SHROOM3: variants seen among roughly 807,000 people sequenced by gnomAD.
The protein encoded by SHROOM3 is protein Shroom3.
SHROOM3 carries 47 observed loss-of-function variants against 138.6 expected under a neutral mutation model. The ratio of observed to expected loss-of-function variants is 0.34; its 90% confidence interval spans 0.27 to 0.43. The LOEUF is 0.43. Among genes scored for constraint, SHROOM3 ranks in the 20% least tolerant of loss-of-function variants. SHROOM3 has a pLI of 1.00. For synonymous variants in SHROOM3, 1,062 were observed against 1,063.3 expected (o/e 1.00, Z 0.02); for missense variants, 2,491 against 2,596.5 (o/e 0.96, Z 0.88).
chr4:76,779,801 G>A lies in SHROOM3; in HGVS notation c.*624G>A, dbSNP rs997630579. 6.5e-6 allele frequency: 1 copy of A among 152,884 alleles called. No individual in the cohort carries two copies. Among genetic ancestry groups the A allele is most frequent in the Admixed American group, 6.5e-5 (1 of 15,306 alleles). The allele number at this position is 152,884 out of a possible 1,614,324, so 9.5% of individuals were successfully genotyped here. ...TGAATTCCAAAGATAGTCACGTTGAGCGTGAAGACTTTTTTTCTTACATTC... is the reference window on the plus strand; with the variant it reads ...TGAATTCCAAAGATAGTCACGTTGAACGTGAAGACTTTTTTTCTTACATTC... On this transcript the variant is annotated 3_prime_UTR_variant, in exon 11 of 11. Transcript: ENST00000296043.
At chr4:76,674,554 CTTTTTTTTTT>C (rs11312421) in intron 2 of SHROOM3, among the ~76,000 whole-genome samples, 7 of 103,290 alleles carry the variant, frequency 6.8e-5, no homozygotes, top group Non-Finnish European at 1.1e-4. Context: ...TCCTTCCTTC[CTTTTTTTTTT>C]TTTTTTTTTT....
At chr4:76,474,518 A>G (rs1258133766) in intron 1 of SHROOM3, among the ~76,000 whole-genome samples, 2 of 152,218 alleles carry the variant, frequency 1.3e-5, no homozygotes, top group Admixed American at 6.5e-5. Context: ...TGACTAAATT[A>G]TAGATTGTAC....
intron 1 of SHROOM3, among the ~76,000 whole-genome samples, chr4:76,527,803 C>T (rs539762959): frequency 6.6e-6 from 1 of 152,290 alleles, no homozygotes; most frequent in African/African-American, 2.4e-5. Context: ...CTCGTGGAGA[C>T]TTGTTCTTAA....
intron 1 of SHROOM3, among the ~76,000 whole-genome samples, chr4:76,523,853 A>G (rs560376012): frequency 6.6e-6 from 1 of 152,198 alleles, no homozygotes; most frequent in Non-Finnish European, 1.5e-5. Flanking sequence ...GAATAGTTGG[A>G]ACAAGGGGCG....
In SHROOM3 at chr4:76,756,415, C is replaced by G. The variant is rs202056212; in HGVS notation, c.4710-34C>G. On this transcript the variant is annotated intron_variant, in intron 7 of 10. Coordinates refer to ENST00000296043, the MANE Select transcript of SHROOM3 (RefSeq NM_020859.4). ...CTTATCACTCTCTCTTTCTCTCTCT[C>G]TCTTTTTTTTTTTTTTTTAAATATC... 5,338 of 1,481,082 alleles carry G rather than the reference C, an allele frequency of 3.6e-3. 154 individuals are homozygous for G. In the African/African-American group the frequency reaches 0.066, roughly 18 times the overall value. 91.7% of individuals were successfully genotyped at this position (1,481,082 alleles called of 1,614,324 possible). A position where few individuals can be genotyped will look rare whatever the true frequency, so the allele number is the denominator to read the frequency against.
At chr4:76,537,818 T>C (rs1733012548) in intron 1 of SHROOM3, among the ~76,000 whole-genome samples, 1 of 152,234 alleles carries the variant, frequency 6.6e-6, no homozygotes, top group African/African-American at 2.4e-5. Flanking sequence ...AGTGTTTTTT[T>C]AGGGCATGAT....
intron 2 of SHROOM3, among the ~76,000 whole-genome samples, chr4:76,626,421 C>T (rs1192294744): frequency 6.6e-6 from 1 of 152,188 alleles, no homozygotes; most frequent in Non-Finnish European, 1.5e-5. Context: ...ACTGTTCTTT[C>T]TTAAACTATT....
chr4:76,667,480 A>C (rs6842149), intron 2 of SHROOM3, among the ~76,000 whole-genome samples: 61,035 of 151,578 alleles, frequency 0.4, 13,715 homozygotes, highest in African/African-American at 0.6. Context: ...TCATACCCAG[A>C]TAATTTTTAA....
Position 76,754,607 on chromosome 4 carries a change from G to T in SHROOM3, c.4124G>T (p.Arg1375Leu). 1 of 1,614,072 alleles carries T rather than the reference G, an allele frequency of 6.2e-7. No homozygotes were observed. Among genetic ancestry groups the T allele is most frequent in the Non-Finnish European group, 8.5e-7 (1 of 1,179,994 alleles). ...GYCSQDGQTG[R>L]QPLPPYTPAM... is the part of the protein sequence containing the mutation. ...TGCTCACAGGACGGTCAGACAGGGC[G>T]ACAGCCTCTCCCGCCCTACACCCCT... Residue 1375 changes from arginine (R) to leucine (L), a missense_variant, in exon 7 of 11, where the codon CGA becomes CTA. Physicochemically the swap from Arg to Leu is moderately radical, Grantham distance 102. Coordinates refer to ENST00000296043, the MANE Select transcript of SHROOM3 (RefSeq NM_020859.4).
intron 1 of SHROOM3, among the ~76,000 whole-genome samples, chr4:76,459,400 C>T (rs375205573): frequency 6.6e-6 from 1 of 152,104 alleles, no homozygotes. Context: ...GGATTTTTTC[C>T]CCCTCTTGTC....
intron 9 of SHROOM3, among the ~76,000 whole-genome samples, chr4:76,769,071 C>T (rs13143734): frequency 0.059 from 8,974 of 151,924 alleles, 291 homozygotes; most frequent in Non-Finnish European, 0.071. Flanking sequence ...TTGTCAGTAC[C>T]TTTCAATTCT....
chr4:76,775,763 T>G (rs1322359861), intron 10 of SHROOM3, among the ~76,000 whole-genome samples: 2 of 151,818 alleles, frequency 1.3e-5, no homozygotes. Context: ...ACACACCATA[T>G]ATATGTGTAC....
chr4:76,681,597 GT>G (rs1719196126), intron 2 of SHROOM3, among the ~76,000 whole-genome samples: 1 of 118,452 alleles, frequency 8.4e-6, no homozygotes, highest in Non-Finnish European at 1.7e-5. Context: ...AGTCTAGGGT[GT>G]GTGTGTGTGT....
At chr4:76,510,312 A>G (rs1732307897) in intron 1 of SHROOM3, among the ~76,000 whole-genome samples, 1 of 152,222 alleles carries the variant, frequency 6.6e-6, no homozygotes, top group South Asian at 2.1e-4. Context: ...TCTCTGAAGA[A>G]TGGGATGAGG....
chr4:76,703,182 A>C (rs1052337429), intron 2 of SHROOM3, among the ~76,000 whole-genome samples: 2 of 152,200 alleles, frequency 1.3e-5, no homozygotes, highest in Non-Finnish European at 2.9e-5. Flanking sequence ...GCTGTAGACC[A>C]GGGTAGGTAA....
chr4:76,748,957 C>G, intron 5 of SHROOM3, 60 bp from the exon 6 acceptor site: 1 of 1,538,516 alleles, frequency 6.5e-7, no homozygotes, highest in Non-Finnish European at 9.0e-7. Flanking sequence ...CCTCCACCCT[C>G]TTGGTAAATT....
chr4:76,721,035 A>G (rs1373525610), intron 3 of SHROOM3, among the ~76,000 whole-genome samples: 1 of 152,132 alleles, frequency 6.6e-6, no homozygotes, highest in Non-Finnish European at 1.5e-5. Context: ...CCTTTGAGCC[A>G]GCAACTCCAC....
chr4:76,511,222 G>A (rs1357224983), intron 1 of SHROOM3, among the ~76,000 whole-genome samples: 1 of 152,198 alleles, frequency 6.6e-6, no homozygotes, highest in Non-Finnish European at 1.5e-5. Flanking sequence ...CACAGCAATT[G>A]TGAATTTAGA....
chr4:76,686,745 C>A (rs1004874779), intron 2 of SHROOM3, among the ~76,000 whole-genome samples: 1 of 151,834 alleles, frequency 6.6e-6, no homozygotes, highest in African/African-American at 2.4e-5. Context: ...ATATTTCTTA[C>A]AGGTTATTAT....
Sources: allele counts gnomAD v4.1 joint callset (sites outside exome capture counted in the v4.1 genomes callset), GRCh38; gene constraint gnomAD v4.1.1; transcripts MANE v1.5; gene names NCBI Gene and HGNC (gene_info 2026-07-23, HGNC 2026-07-21).